Variants in CDADC1 observed in about 807,000 individuals in gnomAD.
CDADC1 encodes cytidine and dCMP deaminase domain containing 1.
CDADC1 carries 39 observed loss-of-function variants against 54.9 expected under a neutral mutation model. That is an observed-to-expected ratio of 0.71 (90% CI 0.55 to 0.93). The LOEUF is 0.93. Ranked by LOEUF, CDADC1 falls within the 40% of genes least tolerant of loss-of-function variation. CDADC1 has a pLI of 0.00. For synonymous variants in CDADC1, 186 were observed against 204.0 expected, an observed-to-expected ratio of 0.91 and a Z score of 0.75; for missense variants, 518 against 618.8, an observed-to-expected ratio of 0.84 and a Z score of 1.73.
At chr13:49,258,184 C>T (rs1257060736) in intron 3 of CDADC1, among the ~76,000 whole-genome samples, 1 of 152,178 alleles carries the variant, frequency 6.6e-6, no homozygotes, top group African/African-American at 2.4e-5. Flanking sequence ...AAAACCGAAA[C>T]TGAAACTTGA....
At chr13:49,251,846 C>T (rs1303458364) in intron 2 of CDADC1, among the ~76,000 whole-genome samples, 3 of 96,480 alleles carry the variant, frequency 3.1e-5, no homozygotes, top group African/African-American at 1.2e-4. Flanking sequence ...AAGGTTATGA[C>T]TCTCATTTTC....
chr13:49,259,021 A>G (rs1017317462), intron 3 of CDADC1, among the ~76,000 whole-genome samples: 6 of 152,194 alleles, frequency 3.9e-5, no homozygotes, highest in Non-Finnish European at 8.8e-5. Context: ...TACTACACTT[A>G]ATCCTATAAG....
Position 49,280,592 on chromosome 13 carries a change from G to A in CDADC1, c.1304G>A (p.Gly435Asp). ...GATGAGTGTGTACCTTTAATTAAAGGTGCAGGCATAAAACAAATCTATGCA... is the reference window on the plus strand; with the variant it reads ...GATGAGTGTGTACCTTTAATTAAAGATGCAGGCATAAAACAAATCTATGCA... ...PCDECVPLIK[G>D]AGIKQIYAGD... The change falls in exon 8 of 10, where the codon GGT becomes GAT. Residue 435 changes from glycine to aspartate, a missense_variant. Coordinates refer to ENST00000251108, the MANE Select transcript of CDADC1 (RefSeq NM_030911.4). 1.3e-6 allele frequency: 2 copies of A among 1,592,998 alleles called. No homozygotes were observed. The highest frequency in any genetic ancestry group is 1.7e-6 in the Non-Finnish European group (2 of 1,169,618).
chr13:49,273,449 T>G (rs1454880296), intron 5 of CDADC1, among the ~76,000 whole-genome samples: 1 of 152,238 alleles, frequency 6.6e-6, no homozygotes. Context: ...AATTTGAAAC[T>G]CAACATTGTA....
intron 6 of CDADC1, among the ~76,000 whole-genome samples, chr13:49,274,981 A>G (rs971420598): frequency 6.6e-6 from 1 of 152,332 alleles, no homozygotes; most frequent in South Asian, 2.1e-4. Flanking sequence ...GTTGGTGAAT[A>G]TTATTAATGT....
rs1375381176 is a variant in CDADC1 at position 49,247,951 on chromosome 13, A to C, written c.-87A>C. On this transcript the variant is annotated 5_prime_UTR_variant, in exon 1 of 10. Coordinates refer to ENST00000251108, the MANE Select transcript of CDADC1 (RefSeq NM_030911.4). ...GTGGGCCGTTGCCTTACAGTTGCTG[A>C]GAGGAGGCGAGAGGCGGGGGCGCTA... 6.6e-6 allele frequency: 8 copies of C among 1,221,126 alleles called. No homozygotes were observed. In the East Asian group the frequency reaches 1.8e-4, roughly 27 times the overall value. The allele number at this position is 1,221,126 out of a possible 1,614,324, so 75.6% of individuals were successfully genotyped here.
chr13:49,256,025 C>G, intron 3 of CDADC1, 112 bp downstream of exon 3: 1 of 1,400,586 alleles, frequency 7.1e-7, no homozygotes, highest in Non-Finnish European at 9.4e-7. Context: ...TTTTAAAATA[C>G]TCTTCTAAAA....
intron 3 of CDADC1, among the ~76,000 whole-genome samples, chr13:49,258,227 G>A (rs1952595392): frequency 6.6e-6 from 1 of 152,198 alleles, no homozygotes; most frequent in Admixed American, 6.5e-5. Flanking sequence ...GATCCTTAAA[G>A]TGATTTCAGA....
At chr13:49,275,807 T>C (rs1234716816) in intron 6 of CDADC1, among the ~76,000 whole-genome samples, 1 of 133,064 alleles carries the variant, frequency 7.5e-6, no homozygotes, top group African/African-American at 2.9e-5. Context: ...TCTCACTCTG[T>C]TGCCAGGCTG....
chr13:49,249,657 G>A (rs1952379933), intron 2 of CDADC1, among the ~76,000 whole-genome samples: 1 of 152,058 alleles, frequency 6.6e-6, no homozygotes, highest in Non-Finnish European at 1.5e-5. Flanking sequence ...TCGCTTGAAC[G>A]AATCGTTGGA....
chr13:49,280,562 C>A lies in CDADC1; in HGVS notation c.1274C>A (p.Pro425Gln). ...AGCATGATTTTTGTGACAAAGTGCC[C>A]ATGTGATGAGTGTGTACCTTTAATT... ...ERSMIFVTKC[P>Q]CDECVPLIKG... Residue 425 changes from proline to glutamine, a missense_variant, in exon 8 of 10, where the codon CCA becomes CAA. Pro to Gln is a moderately conservative substitution (Grantham distance 76, BLOSUM62 -1). Coordinates refer to ENST00000251108, the MANE Select transcript of CDADC1 (RefSeq NM_030911.4). 1.3e-6 allele frequency: 2 copies of A among 1,507,462 alleles called. No individual in the cohort carries two copies. Among genetic ancestry groups the A allele is most frequent in the Non-Finnish European group, 1.8e-6 (2 of 1,125,348 alleles). 93.4% of individuals were successfully genotyped at this position (1,507,462 alleles called of 1,614,324 possible).
Position 49,292,374 on chromosome 13 carries a change from A to G in CDADC1, c.*617A>G, listed in dbSNP as rs748277629. On this transcript the variant is annotated 3_prime_UTR_variant, in exon 10 of 10. Coordinates refer to ENST00000251108, the MANE Select transcript of CDADC1 (RefSeq NM_030911.4). ...TGTTTATCACAGACTTTGGGTAGCA[A>G]TAGGAAGAGAGTGTTATTCTGAGAC... 9.1e-6 allele frequency: 9 copies of G among 990,088 alleles called. No individual in the cohort carries two copies. The highest frequency in any genetic ancestry group is 1.1e-5 in the Non-Finnish European group (9 of 832,546). The allele number at this position is 990,088 out of a possible 1,614,324, so 61.3% of individuals were successfully genotyped here. A position where few individuals can be genotyped will look rare whatever the true frequency, so the allele number is the denominator to read the frequency against.
Position 49,248,861 on chromosome 13 carries a change from T to A in CDADC1, c.83-10T>A. ...AACAAAGTTTAAAGTGTTTGTCGTCTCTTTTGTAGGTCAGATACCAAGGCT... is the reference window on the plus strand; with the variant it reads ...AACAAAGTTTAAAGTGTTTGTCGTCACTTTTGTAGGTCAGATACCAAGGCT... On this transcript the variant is annotated splice_polypyrimidine_tract_variant and intron_variant, in intron 1 of 9. Transcript: ENST00000251108. 1 of 1,540,980 alleles carries A rather than the reference T, an allele frequency of 6.5e-7. No individual in the cohort carries two copies. Among genetic ancestry groups the A allele is most frequent in the Non-Finnish European group, 9.0e-7 (1 of 1,113,380 alleles).
chr13:49,293,131 CAG>C lies in CDADC1; in HGVS notation c.*1375_*1376del, dbSNP rs1953758281. 1 of 155,212 alleles carries C rather than the reference CAG, an allele frequency of 6.4e-6. No homozygotes were observed. Among genetic ancestry groups the C allele is most frequent in the Admixed American group, 6.4e-5 (1 of 15,620 alleles). 9.6% of individuals were successfully genotyped at this position (155,212 alleles called of 1,614,324 possible). ...AAACCGTGAATTAAGATATTCTTAT[CAG>C]TATAAAAACACTGAGATTGCTTACC... On this transcript the variant is annotated 3_prime_UTR_variant, in exon 10 of 10. Coordinates refer to ENST00000251108, the MANE Select transcript of CDADC1 (RefSeq NM_030911.4).
At chr13:49,280,204 T>C (rs904395226) in intron 7 of CDADC1, among the ~76,000 whole-genome samples, 3 of 152,184 alleles carry the variant, frequency 2.0e-5, no homozygotes, top group African/African-American at 7.2e-5. Flanking sequence ...TTTCTCTCTT[T>C]CTTTGGTGTC....
intron 6 of CDADC1, among the ~76,000 whole-genome samples, chr13:49,275,139 G>A (rs1341289688): frequency 6.7e-6 from 1 of 149,306 alleles, no homozygotes; most frequent in East Asian, 2.0e-4. Flanking sequence ...AGGCTGGAGT[G>A]CAGTGGTGCA....
intron 8 of CDADC1, 111 bp from the exon 9 acceptor site, chr13:49,286,111 G>A (rs1953506763): frequency 2.3e-6 from 2 of 864,324 alleles, no homozygotes; most frequent in African/African-American, 3.4e-5. Flanking sequence ...ACTATGCCCA[G>A]CCATTTTTCT....
intron 4 of CDADC1, among the ~76,000 whole-genome samples, chr13:49,262,858 A>G (rs1952719507): frequency 6.6e-6 from 1 of 152,164 alleles, no homozygotes; most frequent in African/African-American, 2.4e-5. Context: ...AGTGGTGCCA[A>G]ACTGCCCTGG....
intron 2 of CDADC1, among the ~76,000 whole-genome samples, chr13:49,250,664 A>G (rs1952407444): frequency 6.6e-6 from 1 of 152,216 alleles, no homozygotes; most frequent in Non-Finnish European, 1.5e-5. Context: ...ATATCATAAA[A>G]AGCATTGTAT....
Sources: allele counts gnomAD v4.1 joint callset (sites outside exome capture counted in the v4.1 genomes callset), GRCh38; gene constraint gnomAD v4.1.1; transcripts MANE v1.5; gene names NCBI Gene and HGNC (gene_info 2026-07-23, HGNC 2026-07-21).